The following OSBPL8 variants were observed in gnomAD, a reference collection of about 807,000 sequenced individuals.
The protein encoded by OSBPL8 is oxysterol binding protein like 8.
OSBPL8 carries 59 observed loss-of-function variants against 125.5 expected under a neutral mutation model. The observed-to-expected ratio is 0.47, with a 90% CI of 0.38 to 0.58. The LOEUF (loss-of-function observed/expected upper bound fraction) is 0.58, where lower values mean the gene tolerates loss of function less well. Ranked by LOEUF, OSBPL8 falls within the 20% of genes least tolerant of loss-of-function variation. The pLI is 0.00. For missense variants in OSBPL8, 758 were observed against 1,047.8 expected (o/e 0.72, Z 3.82); for synonymous variants, 330 against 338.9 (o/e 0.97, Z 0.29).
intron 4 of OSBPL8, among the ~76,000 whole-genome samples, chr12:76,412,952 A>T (rs34602160): frequency 0.21 from 31,546 of 152,022 alleles, 3,526 homozygotes; most frequent in Non-Finnish European, 0.27. Flanking sequence ...CACTTCACAC[A>T]TACTTGTACT....
At chr12:76,432,994 A>G (rs948598562) in intron 4 of OSBPL8, among the ~76,000 whole-genome samples, 1 of 152,236 alleles carries the variant, frequency 6.6e-6, no homozygotes, top group Non-Finnish European at 1.5e-5. Flanking sequence ...TCACTTTAGT[A>G]AATGTGGAAA....
At chr12:76,512,454 T>C (rs1881099360) in intron 1 of OSBPL8, among the ~76,000 whole-genome samples, 3 of 152,232 alleles carry the variant, frequency 2.0e-5, no homozygotes, top group Non-Finnish European at 4.4e-5. Context: ...CTTTTTCCCA[T>C]TGCTTGTTTT....
chr12:76,377,633 G>A (rs537507713), intron 16 of OSBPL8, among the ~76,000 whole-genome samples: 8 of 152,020 alleles, frequency 5.3e-5, no homozygotes, highest in Non-Finnish European at 1.0e-4. Flanking sequence ...ATGTTTTCAT[G>A]AATCAGTTCC....
intron 22 of OSBPL8, among the ~76,000 whole-genome samples, chr12:76,357,874 G>C (rs1372084726): frequency 2.7e-5 from 4 of 148,654 alleles, no homozygotes; most frequent in African/African-American, 9.9e-5. Context: ...TTTTTGTCAT[G>C]TCACAAACAT....
At chr12:76,476,467 C>T (rs937577002) in intron 2 of OSBPL8, among the ~76,000 whole-genome samples, 21 of 151,100 alleles carry the variant, frequency 1.4e-4, no homozygotes, top group Non-Finnish European at 1.9e-4. Context: ...TTTTTAAAGC[C>T]GATAATACTG....
Position 76,369,375 on chromosome 12 carries a change from A to G in OSBPL8, c.2241-74T>C. ...GAACTTTAAAACTTTCTATTCTATG[A>G]TCCAATTTTATTAATAATTATATAC... On this transcript the variant is annotated intron_variant, in intron 20 of 23. Coordinates refer to ENST00000261183, the MANE Select transcript of OSBPL8 (RefSeq NM_020841.5). 4.0e-6 allele frequency: 6 copies of G among 1,496,386 alleles called. No homozygotes were observed. The South Asian group carries it at 6.7e-5, about 17-fold the overall frequency. The allele number at this position is 1,496,386 out of a possible 1,614,324, so 92.7% of individuals were successfully genotyped here.
intron 2 of OSBPL8, among the ~76,000 whole-genome samples, chr12:76,479,009 C>CA (rs1259173950): frequency 6.6e-6 from 1 of 152,104 alleles, no homozygotes; most frequent in African/African-American, 2.4e-5. Flanking sequence ...GGCATGAACC[C>CA]AGGATCATGC....
chr12:76,356,376 C>T (rs1298138729), intron 23 of OSBPL8, among the ~76,000 whole-genome samples: 2 of 152,122 alleles, frequency 1.3e-5, no homozygotes, highest in Admixed American at 6.6e-5. Context: ...TCCTAGCATG[C>T]TATAGGAGTA....
intron 1 of OSBPL8, among the ~76,000 whole-genome samples, chr12:76,543,115 C>A: frequency 6.7e-6 from 1 of 149,042 alleles, no homozygotes. Flanking sequence ...TACTGTCGAT[C>A]TTCTACCACT....
At chr12:76,509,110 A>C (rs2137170070) in intron 1 of OSBPL8, among the ~76,000 whole-genome samples, 1 of 152,332 alleles carries the variant, frequency 6.6e-6, no homozygotes, top group South Asian at 2.1e-4. Flanking sequence ...GCAAAGCAGT[A>C]CCTTTTCTAT....
At chr12:76,526,376 G>C (rs1398551278) in intron 1 of OSBPL8, among the ~76,000 whole-genome samples, 1 of 151,524 alleles carries the variant, frequency 6.6e-6, no homozygotes, top group African/African-American at 2.4e-5. Flanking sequence ...TATGCCGCCA[G>C]TTATGAATTT....
At position 76,492,963 on chromosome 12, in the gene OSBPL8, C is replaced by T. The variant is rs78518878; in HGVS notation, c.-67-5345G>A. 3.6e-3 allele frequency among the ~76,000 whole-genome samples: 542 copies of T among 151,728 alleles called. 2 individuals carry two copies. Among genetic ancestry groups the T allele is most frequent in the African/African-American group, 0.012 (516 of 41,392 alleles). On this transcript the variant is annotated intron_variant, in intron 1 of 23. Transcript: ENST00000261183. ...TTTTTTTTTGCTTTCATTGTGTGCA[C>T]GTACACACGTGCACATTCTGGGTCA...
chr12:76,500,955 T>G (rs1166962936), intron 1 of OSBPL8, among the ~76,000 whole-genome samples: 5 of 152,208 alleles, frequency 3.3e-5, no homozygotes. Flanking sequence ...ACTGTGTACT[T>G]AACCACTTCA....
chr12:76,412,236 A>C (rs1219905326), intron 4 of OSBPL8, among the ~76,000 whole-genome samples: 2 of 152,292 alleles, frequency 1.3e-5, no homozygotes, highest in African/African-American at 4.8e-5. Context: ...CCCATTAAAA[A>C]AAAGTACGTA....
intron 15 of OSBPL8, among the ~76,000 whole-genome samples, chr12:76,380,539 A>AAAAAAC (rs1953001540): frequency 6.6e-6 from 1 of 150,984 alleles, no homozygotes; most frequent in African/African-American, 2.4e-5. Context: ...AAAAAAAAAA[A>AAAAAAC]AAAAAAAACC....
chr12:76,488,533 T>C (rs1878396387), intron 1 of OSBPL8, among the ~76,000 whole-genome samples: 2 of 152,226 alleles, frequency 1.3e-5, no homozygotes, highest in Non-Finnish European at 2.9e-5. Flanking sequence ...CTCTGTGTCA[T>C]AGTTTGGTAA....
chr12:76,415,016 T>A (rs1868455684), intron 4 of OSBPL8, among the ~76,000 whole-genome samples: 1 of 151,968 alleles, frequency 6.6e-6, no homozygotes, highest in African/African-American at 2.4e-5. Flanking sequence ...CATTAAGGAG[T>A]GTTGTAATCC....
intron 21 of OSBPL8, 122 bp downstream of exon 21, chr12:76,369,092 A>G: frequency 7.7e-7 from 1 of 1,303,828 alleles, no homozygotes; most frequent in South Asian, 1.7e-5. Flanking sequence ...AGAAGAGTTC[A>G]GAGCTGCGTA....
chr12:76,384,743 G>A (rs1306856971), intron 14 of OSBPL8, among the ~76,000 whole-genome samples: 2 of 152,222 alleles, frequency 1.3e-5, no homozygotes, highest in South Asian at 2.1e-4. Flanking sequence ...GCTACGTGGT[G>A]AGGAACTGAG....
Sources: gnomAD v4.1 joint callset for allele counts (sites outside exome capture counted in the v4.1 genomes callset) on GRCh38, gnomAD v4.1.1 for gene constraint, MANE v1.5 for transcripts, NCBI Gene and HGNC (gene_info 2026-07-23, HGNC 2026-07-21) for gene names.